Variants in INO80D observed in about 807,000 individuals in gnomAD.
INO80D encodes INO80 complex subunit D.
Under a neutral mutation model 87.6 loss-of-function variants are expected in INO80D, and 21 were observed. That is an observed-to-expected ratio of 0.24 (90% confidence interval 0.17 to 0.35). The LOEUF is 0.35. Among genes scored for constraint, INO80D ranks in the 10% least tolerant of loss-of-function variants. The pLI, the probability that INO80D is intolerant of heterozygous loss-of-function variation, is 1.00. For missense variants in INO80D, 982 were observed against 1,280.7 expected (o/e 0.77, Z 3.56); for synonymous variants, 440 against 491.0 (o/e 0.90, Z 1.37).
Position 206,085,016 on chromosome 2 carries a change from G to A in INO80D, c.-124+885C>T, listed in dbSNP as rs1177147808. Among the ~76,000 whole-genome samples the A allele has an allele frequency of 2.6e-5, 4 of 152,108 alleles. No individual in the cohort carries two copies. The highest frequency in any genetic ancestry group is 5.9e-5 in the Non-Finnish European group (4 of 68,010). On this transcript the variant is annotated intron_variant, in intron 1 of 10. Transcript: ENST00000403263. This position sits in a 1 kb window ranked among gnomAD's most constrained non-coding sequence, Gnocchi z 4.5. The stretch of plus-strand genomic sequence containing the variant: ...AATGGGCTCGCGGGGAGTTGGGTGG[G>A]GCGCGGGCGAGGGGTGCAGGGGCGG...
At chr2:206,027,350 T>C (rs552571457) in intron 6 of INO80D, among the ~76,000 whole-genome samples, 1 of 152,330 alleles carries the variant, frequency 6.6e-6, no homozygotes, top group South Asian at 2.1e-4. Flanking sequence ...AAAAATTCAA[T>C]GTAATAAAAT....
At chr2:206,005,892 CATAGAAAACAT>C (rs1470654130) in intron 10 of INO80D, among the ~76,000 whole-genome samples, 1 of 152,142 alleles carries the variant, frequency 6.6e-6, no homozygotes. Context: ...TCATCATTAA[CATAGAAAACAT>C]ATATCAACTT....
At position 205,993,810 on chromosome 2, in the gene INO80D, CAT is replaced by C. The variant is rs1416259306; in HGVS notation, c.*10556_*10557del. On this transcript the variant is annotated 3_prime_UTR_variant, in exon 11 of 11. Transcript: ENST00000403263. Reference sequence around the variant, plus strand: ...TATACAGATAATACATACAGTGTTTCATACACATATTACATCAGTTTTTACAC... The same window carrying C: ...TATACAGATAATACATACAGTGTTTCACACATATTACATCAGTTTTTACAC... 4 of 152,250 alleles carry C rather than the reference CAT, an allele frequency of 2.6e-5. No individual in the cohort carries two copies. In the East Asian group the frequency reaches 7.7e-4, roughly 29 times the overall value. The allele number at this position is 152,250 out of a possible 1,614,324, so 9.4% of individuals were successfully genotyped here. A position where few individuals can be genotyped will look rare whatever the true frequency, so the allele number is the denominator to read the frequency against.
Position 206,004,471 on chromosome 2 carries a change from T to C in INO80D, c.2981A>G (p.Gln994Arg), listed in dbSNP as rs1687968606. ...AGGGGCTATAGAGCTGTGGCTGGGC[T>C]GCAGGTCCTTAGGAATGCCACTGTG... The part of the protein sequence containing the change: ...SSHSGIPKDL[Q>R]PSHSSIAPPT... The change falls in exon 11 of 11, where the codon CAG becomes CGG. Residue 994 changes from glutamine to arginine, a missense_variant. Transcript: ENST00000403263. The surrounding 1 kb of genome is among the most constrained non-coding windows in gnomAD (Gnocchi z 4.9). 1 of 1,606,958 alleles carries C rather than the reference T, an allele frequency of 6.2e-7. No individual in the cohort carries two copies. Among genetic ancestry groups the C allele is most frequent in the Admixed American group, 1.7e-5 (1 of 58,782 alleles).
intron 1 of INO80D, among the ~76,000 whole-genome samples, chr2:206,071,675 T>G (rs955495320): frequency 6.6e-6 from 1 of 151,496 alleles, no homozygotes; most frequent in South Asian, 2.1e-4. Flanking sequence ...GCAATGTTAC[T>G]TTTCTCTTAT....
chr2:206,055,061 T>C (rs1302095685), intron 4 of INO80D, among the ~76,000 whole-genome samples: 1 of 152,244 alleles, frequency 6.6e-6, no homozygotes, highest in Admixed American at 6.5e-5. Context: ...TGGTAATTCA[T>C]TGTTGCTTTA....
chr2:206,035,158 C>T (rs1688860149), intron 5 of INO80D, among the ~76,000 whole-genome samples: 1 of 152,064 alleles, frequency 6.6e-6, no homozygotes, highest in Non-Finnish European at 1.5e-5. Flanking sequence ...GTGAAAATGA[C>T]CATACTGCCA....
intron 6 of INO80D, among the ~76,000 whole-genome samples, chr2:206,026,167 G>C (rs969338932): frequency 1.3e-5 from 2 of 152,042 alleles, no homozygotes; most frequent in African/African-American, 4.8e-5. Flanking sequence ...CCAAAGTGCT[G>C]GGATTACAGG....
chr2:206,025,540 A>ATAT (rs1553616172), intron 6 of INO80D: 3 of 63,276 alleles, frequency 4.7e-5, no homozygotes, highest in African/African-American at 8.8e-5. Flanking sequence ...AAAAAAAAAA[A>ATAT]AAATATATAT....
rs1406774900 is a variant in INO80D at position 206,085,665 on chromosome 2, C to G, written c.-124+236G>C. On this transcript the variant is annotated intron_variant, in intron 1 of 10. Coordinates refer to ENST00000403263, the MANE Select transcript of INO80D (RefSeq NM_017759.5). This position sits in a 1 kb window ranked among gnomAD's most constrained non-coding sequence, Gnocchi z 4.5. Reference sequence around the variant, plus strand: ...GCCCCACTCCGGCTCCGGCTGGACCCCTGCCCGCCCGCCGTCGCCGCCCGC... The same window carrying G: ...GCCCCACTCCGGCTCCGGCTGGACCGCTGCCCGCCCGCCGTCGCCGCCCGC... 6.7e-6 allele frequency: 1 copy of G among 149,966 alleles called. No individual in the cohort carries two copies. Among genetic ancestry groups the G allele is most frequent in the Non-Finnish European group, 1.5e-5 (1 of 67,378 alleles). The allele number at this position is 149,966 out of a possible 1,614,324, so 9.3% of individuals were successfully genotyped here.
In INO80D at chr2:206,052,998, ATAATAC is replaced by A. The variant is rs544264546; in HGVS notation, c.964+3194_964+3199del. Among the ~76,000 whole-genome samples the A allele has an allele frequency of 4.1e-4, 63 of 152,246 alleles. 3 individuals carry two copies. In the South Asian group the frequency reaches 0.013, roughly 31 times the overall value. ...CTAATTTGCAAAGGCAATAATAACA[ATAATAC>A]TACTACCCAGGGCTGATAAAGATTT... On this transcript the variant is annotated intron_variant, in intron 4 of 10. Coordinates refer to ENST00000403263, the MANE Select transcript of INO80D (RefSeq NM_017759.5).
At chr2:206,071,655 G>T (rs1689976616) in intron 1 of INO80D, among the ~76,000 whole-genome samples, 1 of 150,708 alleles carries the variant, frequency 6.6e-6, no homozygotes, top group African/African-American at 2.4e-5. Flanking sequence ...TTTGCACTTT[G>T]AATGTTTCTG....
intron 9 of INO80D, among the ~76,000 whole-genome samples, chr2:206,009,100 AAG>A (rs1214031117): frequency 1.3e-5 from 2 of 152,220 alleles, no homozygotes; most frequent in Non-Finnish European, 2.9e-5. Context: ...ACTTGAGGTC[AAG>A]AGTTCCAGAC....
intron 1 of INO80D, among the ~76,000 whole-genome samples, chr2:206,082,934 T>C (rs1454038748): frequency 6.6e-6 from 1 of 152,246 alleles, no homozygotes; most frequent in Non-Finnish European, 1.5e-5. Flanking sequence ...TGGAATGGGA[T>C]ATACAAATTT....
At chr2:206,044,664 C>T (rs1689148711) in intron 5 of INO80D, among the ~76,000 whole-genome samples, 1 of 152,072 alleles carries the variant, frequency 6.6e-6, no homozygotes, top group Admixed American at 6.6e-5. Context: ...TTTGATAACT[C>T]TGCAAGAATA....
At chr2:206,030,577 C>T (rs1688735519) in intron 5 of INO80D, among the ~76,000 whole-genome samples, 1 of 151,968 alleles carries the variant, frequency 6.6e-6, no homozygotes, top group African/African-American at 2.4e-5. Context: ...CCAAGACACA[C>T]AAGACACAGA....
intron 8 of INO80D, among the ~76,000 whole-genome samples, chr2:206,015,764 G>A (rs1054455675): frequency 6.6e-6 from 1 of 152,188 alleles, no homozygotes; most frequent in East Asian, 1.9e-4. Context: ...GCACACGCCT[G>A]TAATCCCAGC....
At chr2:206,069,721 A>G (rs1016721471) in intron 1 of INO80D, among the ~76,000 whole-genome samples, 2 of 152,202 alleles carry the variant, frequency 1.3e-5, no homozygotes, top group African/African-American at 4.8e-5. Flanking sequence ...ACTTATCAGC[A>G]TTATTGCAAC....
At chr2:206,061,344 C>T (rs1689685679) in intron 3 of INO80D, among the ~76,000 whole-genome samples, 1 of 151,748 alleles carries the variant, frequency 6.6e-6, no homozygotes, top group Non-Finnish European at 1.5e-5. Context: ...TGCTTTGGCT[C>T]AACTGAAAAA....
Sources: gnomAD v4.1 joint callset for allele counts (sites outside exome capture counted in the v4.1 genomes callset) on GRCh38, gnomAD v4.1.1 for gene constraint, Gnocchi (gnomAD v3.1) non-coding constraint, MANE v1.5 for transcripts, NCBI Gene and HGNC (gene_info 2026-07-23, HGNC 2026-07-21) for gene names.